ASB11: variants seen among roughly 807,000 people sequenced by gnomAD.
ASB11 encodes the protein ankyrin repeat and SOCS box protein 11.
ASB11 carries 17 observed loss-of-function variants against 20.1 expected under a neutral mutation model. That is an observed-to-expected ratio of 0.85 (90% CI 0.58 to 1.27). The LOEUF is 1.27. Among genes scored for constraint, ASB11 ranks in the 50% most tolerant of loss-of-function variants. The probability of loss-of-function intolerance (pLI) is 0.00; values close to 1 mark genes in which losing one functional copy is unlikely to be tolerated. For missense variants in ASB11, 259 were observed against 256.9 expected (o/e 1.01, Z -0.06); for synonymous variants, 107 against 105.6 (o/e 1.01, Z -0.08).
At chrX:15,314,651 C>T in intron 1 of ASB11, 2 of 670,047 alleles carry the variant, frequency 3.0e-6, no homozygotes, top group Non-Finnish European at 3.9e-6. Context: ...AATCCTGGAA[C>T]CCCTGCAAAC....
rs1272278754 is a variant in ASB11, at chrX:15,302,749, G to A, written c.240C>T (p.Ala80=). 7 of 1,209,037 alleles carry A rather than the reference G, an allele frequency of 5.8e-6. No individual in the cohort carries two copies. The highest frequency in any genetic ancestry group is 7.8e-6 in the Non-Finnish European group (7 of 893,281). ...HEAAAQGRLL[A]LKTLIAQGVN... ...TTACTTGTGCAATTAAAGTTTTAAG[G>A]GCCAGTAAGCGCCCCTGAGCTGCAG... is the stretch of plus-strand genomic sequence containing the variant. The change falls in exon 2 of 7, where the codon GCC becomes GCT. Residue 80 remains alanine, a synonymous_variant. Coordinates refer to ENST00000480796, the MANE Select transcript of ASB11 (RefSeq NM_080873.3).
rs745324502 is a variant in ASB11, at chrX:15,292,243, AT to A, written c.520+926del. Among the ~76,000 whole-genome samples the A allele has an allele frequency of 5.4e-5, 6 of 111,964 alleles. No individual in the cohort carries two copies. The East Asian group carries it at 8.3e-4, about 15-fold the overall frequency. Reference sequence around the variant, plus strand: ...CATTTAAAGTAATCCACTGGAAAAAATTGGCAAGTGACATGTTTAATAACCT... The same window carrying A: ...CATTTAAAGTAATCCACTGGAAAAAATGGCAAGTGACATGTTTAATAACCT... On this transcript the variant is annotated intron_variant, in intron 4 of 6. Transcript: ENST00000480796.
intron 6 of ASB11, among the ~76,000 whole-genome samples, chrX:15,284,079 CGT>C (rs1569167740): frequency 9.5e-6 from 1 of 105,572 alleles, no homozygotes; most frequent in Non-Finnish European, 1.9e-5. Context: ...GGTGAAACCC[CGT>C]GTCCACTAAA....
chrX:15,299,253 G>T (rs1921000533), intron 2 of ASB11, among the ~76,000 whole-genome samples: 2 of 112,265 alleles, frequency 1.8e-5, no homozygotes, highest in South Asian at 7.3e-4. Flanking sequence ...GCCCAGGGTA[G>T]TCAGGGCACA....
At chrX:15,293,624 G>C (rs912976756) in intron 3 of ASB11, among the ~76,000 whole-genome samples, 1 of 111,143 alleles carries the variant, frequency 9.0e-6, no homozygotes, top group African/African-American at 3.3e-5. Flanking sequence ...GAACAAACAT[G>C]GCAGGCTGTG....
intron 3 of ASB11, 140 bp from the exon 4 acceptor site, chrX:15,293,460 T>G: frequency 2.9e-6 from 2 of 693,739 alleles, no homozygotes; most frequent in Non-Finnish European, 4.2e-6. Context: ...TACAGTATTA[T>G]GAAACCTCAT....
chrX:15,285,703 G>A (rs1208350697), intron 6 of ASB11, among the ~76,000 whole-genome samples: 1 of 110,859 alleles, frequency 9.0e-6, no homozygotes, highest in Non-Finnish European at 1.9e-5. Flanking sequence ...TAATGATCTA[G>A]ACTATTGAAA....
At chrX:15,284,775 T>C (rs1007093577) in intron 6 of ASB11, among the ~76,000 whole-genome samples, 1 of 112,168 alleles carries the variant, frequency 8.9e-6, no homozygotes, top group African/African-American at 3.2e-5. Context: ...CATTATTTCC[T>C]AACCTGACTG....
intron 6 of ASB11, among the ~76,000 whole-genome samples, chrX:15,286,751 C>G (rs1927400597): frequency 1.8e-5 from 2 of 108,905 alleles, no homozygotes; most frequent in Non-Finnish European, 3.8e-5. Flanking sequence ...AGCTGTGTGA[C>G]CTTGTCAATG....
intron 2 of ASB11, among the ~76,000 whole-genome samples, chrX:15,299,452 G>T (rs1921004040): frequency 8.9e-6 from 1 of 111,979 alleles, no homozygotes; most frequent in South Asian, 3.8e-4. Flanking sequence ...TGTCTGTCTG[G>T]GTTACAATAA....
chrX:15,312,295 A>AAG (rs1921452018), intron 1 of ASB11, among the ~76,000 whole-genome samples: 1 of 108,725 alleles, frequency 9.2e-6, no homozygotes, highest in Admixed American at 1.0e-4. Context: ...AAAACTAATA[A>AAG]CAGTCAACCA....
chrX:15,307,602 T>A (rs968483448), intron 1 of ASB11, among the ~76,000 whole-genome samples: 2 of 112,080 alleles, frequency 1.8e-5, no homozygotes, highest in African/African-American at 6.5e-5. Flanking sequence ...TATGGCCCAG[T>A]TCCTAACAGG....
Position 15,301,904 on chromosome X carries a change from G to A in ASB11, c.261+824C>T, listed in dbSNP as rs188897006. On this transcript the variant is annotated intron_variant, in intron 2 of 6. Transcript: ENST00000480796. ...TATCATTGGGATAGGCAGCCTCTAA[G>A]ATAGCACCCAGTAATCCTGGAATCC... is the stretch of plus-strand genomic sequence containing the variant. Among the ~76,000 whole-genome samples, 117 of 112,097 alleles carry A rather than the reference G, an allele frequency of 1.0e-3. 1 individual carries two copies. The highest frequency in any genetic ancestry group is 4.7e-3 in the Middle Eastern group (1 of 215).
At position 15,283,327 on chromosome X, in the gene ASB11, C is replaced by T; in HGVS notation, c.*178G>A. 1 of 568,646 alleles carries T rather than the reference C, an allele frequency of 1.8e-6. No individual in the cohort carries two copies. The highest frequency in any genetic ancestry group is 4.4e-5 in the South Asian group (1 of 22,833). The allele number at this position is 568,646 out of a possible 1,213,427, so 46.9% of individuals were successfully genotyped here. A position where few individuals can be genotyped will look rare whatever the true frequency, so the allele number is the denominator to read the frequency against. ...CTACTTGCCCCTTGGTTAATGAGAA[C>T]ATTAAACTAACCAGGAGTTTCCACT... is the stretch of plus-strand genomic sequence containing the variant. On this transcript the variant is annotated 3_prime_UTR_variant, in exon 7 of 7. Transcript: ENST00000480796.
In ASB11 at chrX:15,283,425, T is replaced by G; in HGVS notation, c.*80A>C. Reference sequence around the variant, plus strand: ...TAAAGATACTAGGAGTCTAAGCTGTTGAGCTTCTACATTAGGTACTCTAGG... The same window carrying G: ...TAAAGATACTAGGAGTCTAAGCTGTGGAGCTTCTACATTAGGTACTCTAGG... On this transcript the variant is annotated 3_prime_UTR_variant, in exon 7 of 7. Transcript: ENST00000480796. 250 of 1,137,426 alleles carry G rather than the reference T, an allele frequency of 2.2e-4. No homozygotes were observed. The highest frequency in any genetic ancestry group is 2.7e-4 in the Non-Finnish European group (226 of 830,383). The allele number at this position is 1,137,426 out of a possible 1,213,427, so 93.7% of individuals were successfully genotyped here.
chrX:15,305,798 T>G (rs1251807011), intron 1 of ASB11, among the ~76,000 whole-genome samples: 2 of 111,903 alleles, frequency 1.8e-5, no homozygotes, highest in Non-Finnish European at 3.8e-5. Context: ...GGGGTACATG[T>G]GCAGGATGTG....
intron 3 of ASB11, among the ~76,000 whole-genome samples, chrX:15,293,708 C>T (rs937015554): frequency 1.8e-5 from 2 of 111,741 alleles, no homozygotes; most frequent in African/African-American, 3.3e-5. Flanking sequence ...ACAACTTCCT[C>T]TCTGGTCTAC....
At position 15,293,206 on chromosome X, in the gene ASB11, G is replaced by A. The variant is rs766870838; in HGVS notation, c.484C>T (p.His162Tyr). ...GCCTCATGGATGGGCGAGGCCAGGT[G>A]CACCTCCAACTGGGCCTTGGCTCCG... The part of the protein sequence containing the change: ...EFGAKAQLEV[H>Y]LASPIHEAVK... The change falls in exon 4 of 7, where the codon CAC becomes TAC. Residue 162 changes from histidine (H) to tyrosine (Y), a missense_variant. Coordinates refer to ENST00000480796, the MANE Select transcript of ASB11 (RefSeq NM_080873.3). The A allele has an allele frequency of 8.3e-6, 10 of 1,211,582 alleles. No individual in the cohort carries two copies. The highest frequency in any genetic ancestry group is 2.3e-4 in the Middle Eastern group (1 of 4,351).
chrX:15,294,944 CAAT>C (rs1306795583), intron 3 of ASB11, among the ~76,000 whole-genome samples: 3 of 112,421 alleles, frequency 2.7e-5, no homozygotes, highest in African/African-American at 9.7e-5. Context: ...GTTTTGGAAA[CAAT>C]GATAAGACAA....
Sources: gnomAD v4.1 joint callset for allele counts (sites outside exome capture counted in the v4.1 genomes callset) on GRCh38, gnomAD v4.1.1 for gene constraint, MANE v1.5 for transcripts, NCBI Gene and HGNC (gene_info 2026-07-23, HGNC 2026-07-21) for gene names.